The following PROSER1 variants were observed in gnomAD, a reference collection of about 807,000 sequenced individuals.
PROSER1 encodes proline and serine-rich protein 1.
In PROSER1, 36 loss-of-function variants were observed where a neutral mutation model predicts 71.8. That is an observed-to-expected ratio of 0.50 (90% CI 0.38 to 0.66). The LOEUF (loss-of-function observed/expected upper bound fraction) is 0.66. Among genes scored for constraint, PROSER1 ranks in the 30% least tolerant of loss-of-function variants. The probability of loss-of-function intolerance (pLI) is 0.00; values close to 1 mark genes in which losing one functional copy is unlikely to be tolerated. For missense variants in PROSER1, 1,107 were observed against 1,135.0 expected, an observed-to-expected ratio of 0.98 and a Z score of 0.35; for synonymous variants, 490 against 452.4, an observed-to-expected ratio of 1.08 and a Z score of -1.06.
intron 11 of PROSER1, 122 bp downstream of exon 11, chr13:39,012,569 A>G (rs568429602): frequency 4.4e-5 from 37 of 839,464 alleles, no homozygotes; most frequent in Middle Eastern, 3.4e-4. Flanking sequence ...TCAGAGTGCT[A>G]AAGTTTTCAC....
In PROSER1 at chr13:39,034,183, T is replaced by C; in HGVS notation, c.59A>G (p.Glu20Gly). The change falls in exon 2 of 13, where the codon GAA becomes GGA. Residue 20 changes from glutamate to glycine, a missense_variant. Transcript: ENST00000352251. ...ATATTCAATTGCTTTTAATTTGTATTCTGTCAAAACAGCCTAAAAAAAAAA... is the reference window on the plus strand; with the variant it reads ...ATATTCAATTGCTTTTAATTTGTATCCTGTCAAAACAGCCTAAAAAAAAAA... ...LDEIRKAVLT[E>G]YKLKAIEYVH... The C allele has an allele frequency of 6.3e-7, 1 of 1,588,890 alleles. No homozygotes were observed. The highest frequency in any genetic ancestry group is 1.7e-4 in the Middle Eastern group (1 of 5,920).
chr13:39,017,418 A>G (rs1870054329), intron 10 of PROSER1, 82 bp downstream of exon 10: 5 of 866,230 alleles, frequency 5.8e-6, no homozygotes, highest in Non-Finnish European at 9.2e-6. Context: ...AACCATTCCA[A>G]ATATACTCAA....
intron 3 of PROSER1, among the ~76,000 whole-genome samples, chr13:39,031,095 G>A (rs1870818001): frequency 6.6e-6 from 1 of 152,146 alleles, no homozygotes; most frequent in Non-Finnish European, 1.5e-5. Context: ...TAGCCACTAA[G>A]CACATGTACC....
chr13:39,024,982 T>C (rs1279931507), intron 6 of PROSER1, among the ~76,000 whole-genome samples: 1 of 152,132 alleles, frequency 6.6e-6, no homozygotes, highest in Non-Finnish European at 1.5e-5. Flanking sequence ...CCGAATACAA[T>C]GTGGATGCCG....
chr13:39,033,903 C>A (rs1315773349), intron 2 of PROSER1, among the ~76,000 whole-genome samples: 2 of 151,846 alleles, frequency 1.3e-5, no homozygotes, highest in Admixed American at 6.6e-5. Context: ...GCTTTAAGAC[C>A]CTATATTTAA....
Position 39,013,676 on chromosome 13 carries a change from T to A in PROSER1, c.1576A>T (p.Thr526Ser). Reference sequence around the variant, plus strand: ...CCTGGAGTGGAAGTCCTCTGTGGGGTAGGGATGGCTGATGGGGCATAGCAC... The same window carrying A: ...CCTGGAGTGGAAGTCCTCTGTGGGGAAGGGATGGCTGATGGGGCATAGCAC... ...NKCYAPSAIP[T>S]PQRTSTPGLA... is the part of the protein sequence containing the mutation. Residue 526 changes from threonine (T) to serine (S), a missense_variant, in exon 11 of 13, where the codon ACC (threonine) becomes TCC (serine). Coordinates refer to ENST00000352251, the MANE Select transcript of PROSER1 (RefSeq NM_025138.5). The A allele has an allele frequency of 6.2e-7, 1 of 1,613,662 alleles. No individual in the cohort carries two copies. The highest frequency in any genetic ancestry group is 8.5e-7 in the Non-Finnish European group (1 of 1,179,934).
chr13:39,014,461 G>C lies in PROSER1; in HGVS notation c.791C>G (p.Ala264Gly), dbSNP rs1869909663. 1 of 1,607,250 alleles carries C rather than the reference G, an allele frequency of 6.2e-7. No homozygotes were observed. The change falls in exon 11 of 13, where the codon GCA becomes GGA. Residue 264 changes from alanine (A) to glycine (G), a missense_variant. By Grantham distance (60) the Ala-to-Gly change is moderately conservative. Coordinates refer to ENST00000352251, the MANE Select transcript of PROSER1 (RefSeq NM_025138.5). ...ACCATGAGGAGAAAAGAGTTGACTT[G>C]CTGGGGTGGAAAATGCTATATGGAA... is the stretch of plus-strand genomic sequence containing the variant. ...PIQNQTFSTP[A>G]SQLFSPHGSN...
At chr13:39,031,655 C>A in intron 2 of PROSER1, 24 bp from the exon 3 acceptor site, 1 of 1,590,634 alleles carries the variant, frequency 6.3e-7, no homozygotes, top group South Asian at 1.1e-5. Context: ...ACTAACAGCT[C>A]TAATGACAGC....
At chr13:39,037,159 TTCATC>T in intron 1 of PROSER1, 34 bp downstream of exon 1, 1 of 1,434,678 alleles carries the variant, frequency 7.0e-7, no homozygotes, top group Non-Finnish European at 9.8e-7. Context: ...AACACGAGAA[TTCATC>T]TCATAAAATA....
chr13:39,027,924 A>C (rs35804724), intron 5 of PROSER1, among the ~76,000 whole-genome samples: 22,380 of 152,090 alleles, frequency 0.15, 1,974 homozygotes, highest in African/African-American at 0.24. Flanking sequence ...TAAGTACATA[A>C]AGTTTAAAGC....
At position 39,009,972 on chromosome 13, in the gene PROSER1, A is replaced by G. The variant is rs1195029041; in HGVS notation, c.*1393T>C. ...GCTTACATTCTGTGTTTAAAGACAT[A>G]AATCTGTCTGTTCATATGTTGGTTA... On this transcript the variant is annotated 3_prime_UTR_variant, in exon 13 of 13. Coordinates refer to ENST00000352251, the MANE Select transcript of PROSER1 (RefSeq NM_025138.5). 2.0e-5 allele frequency: 3 copies of G among 152,672 alleles called. No homozygotes were observed. Among genetic ancestry groups the G allele is most frequent in the African/African-American group, 7.2e-5 (3 of 41,474 alleles). 9.5% of individuals were successfully genotyped at this position (152,672 alleles called of 1,614,324 possible). A position where few individuals can be genotyped will look rare whatever the true frequency, so the allele number is the denominator to read the frequency against.
chr13:39,016,912 T>A (rs917194421), intron 10 of PROSER1, among the ~76,000 whole-genome samples: 3 of 152,190 alleles, frequency 2.0e-5, no homozygotes, highest in Non-Finnish European at 4.4e-5. Context: ...TGTAGTTTTG[T>A]CTCATACAAG....
In PROSER1 at chr13:39,011,394, G is replaced by T; in HGVS notation, c.2806C>A (p.Pro936Thr). ...SAPGTPFSLQ[P>T]SLSQSGWQ ...TGCCACCCACTCTGGGACAGGCTTG[G>T]TTGCAAAGAAAATGGTGTTCCTGGC... Residue 936 changes from proline to threonine, a missense_variant, in exon 13 of 13, where the codon CCA (proline) becomes ACA (threonine). Coordinates refer to ENST00000352251, the MANE Select transcript of PROSER1 (RefSeq NM_025138.5). 6.2e-7 allele frequency: 1 copy of T among 1,614,168 alleles called. No individual in the cohort carries two copies. The highest frequency in any genetic ancestry group is 1.1e-5 in the South Asian group (1 of 91,088).
chr13:39,029,247 TAAAAAAAAAA>T, intron 4 of PROSER1, 24 bp downstream of exon 4: 23 of 741,100 alleles, frequency 3.1e-5, no homozygotes, highest in Admixed American at 4.2e-5. Flanking sequence ...TTTTCCCAAG[TAAAAAAAAAA>T]AAAAAAAAAA....
chr13:39,031,535 G>A (rs747516749), intron 3 of PROSER1, 28 bp downstream of exon 3: 17 of 1,502,006 alleles, frequency 1.1e-5, no homozygotes, highest in African/African-American at 2.8e-5. Context: ...TAAATTCTAC[G>A]TTCTGAAGGA....
intron 2 of PROSER1, 131 bp downstream of exon 2, chr13:39,034,000 G>T: frequency 1.7e-6 from 1 of 595,374 alleles, no homozygotes; most frequent in South Asian, 2.6e-5. Flanking sequence ...TGCCAAAACT[G>T]AGAGCTTCTC....
rs1427926205 is a variant in PROSER1, at chr13:39,017,508, T to C, written c.767A>G (p.Gln256Arg). 6.5e-7 allele frequency: 1 copy of C among 1,545,638 alleles called. No individual in the cohort carries two copies. Among genetic ancestry groups the C allele is most frequent in the Admixed American group, 1.7e-5 (1 of 57,780 alleles). The stretch of plus-strand genomic sequence containing the variant: ...TCAAATTTGCTACTTACTTTGATTC[T>C]GTATAGGTTTTGACGGATTCGAAAG... ...EDLSNPSKPI[Q>R]NQTFSTPASQ... The change falls in exon 10 of 13, where the codon CAG becomes CGG. Residue 256 changes from glutamine to arginine, a missense_variant. Coordinates refer to ENST00000352251, the MANE Select transcript of PROSER1 (RefSeq NM_025138.5).
At chr13:39,034,329 G>C in intron 1 of PROSER1, 133 bp from the exon 2 acceptor site, 1 of 575,824 alleles carries the variant, frequency 1.7e-6, no homozygotes, top group Non-Finnish European at 2.9e-6. Context: ...TCATTCAGAG[G>C]AACTAAGGTC....
Position 39,013,947 on chromosome 13 carries a change from G to A in PROSER1, c.1305C>T (p.Pro435=). The part of the protein sequence containing the change: ...LSSVFAGLPL[P]LPPTSQGLSN... The stretch of plus-strand genomic sequence containing the variant: ...ATAGGCCTTGGGATGTTGGTGGTAA[G>A]GGCAAAGGGAGCCCTGCAAAAACTG... Residue 435 remains proline (P), a synonymous_variant, in exon 11 of 13, where the codon CCC becomes CCT. Transcript: ENST00000352251. The A allele has an allele frequency of 6.2e-7, 1 of 1,614,152 alleles. No homozygotes were observed. Among genetic ancestry groups the A allele is most frequent in the East Asian group, 2.2e-5 (1 of 44,886 alleles).
Sources: allele counts gnomAD v4.1 joint callset (sites outside exome capture counted in the v4.1 genomes callset), GRCh38; gene constraint gnomAD v4.1.1; transcripts MANE v1.5; gene names NCBI Gene and HGNC (gene_info 2026-07-23, HGNC 2026-07-21).